Variants in MBNL1 observed in about 807,000 individuals in gnomAD.
The protein encoded by MBNL1 is muscleblind like splicing regulator 1.
Under a neutral mutation model 42.2 loss-of-function variants are expected in MBNL1, and 8 were observed. The observed-to-expected ratio is 0.19, with a 90% confidence interval of 0.11 to 0.34. The LOEUF is 0.34. Among genes scored for constraint, MBNL1 ranks in the 10% least tolerant of loss-of-function variants. The pLI, the probability that MBNL1 is intolerant of heterozygous loss-of-function variation, is 1.00. For synonymous variants in MBNL1, 169 were observed against 173.9 expected, an observed-to-expected ratio of 0.97 and a Z score of 0.22; for missense variants, 309 against 495.3, an observed-to-expected ratio of 0.62 and a Z score of 3.57.
At chr3:152,248,605 A>T (rs968054100) in intron 2 of MBNL1, among the ~76,000 whole-genome samples, 10 of 151,374 alleles carry the variant, frequency 6.6e-5, no homozygotes, top group African/African-American at 1.9e-4. Context: ...TTTTTTTTTC[A>T]AATAAAATTT....
chr3:152,368,708 T>A (rs1227195012), intron 2 of MBNL1, among the ~76,000 whole-genome samples: 1 of 152,200 alleles, frequency 6.6e-6, no homozygotes, highest in Non-Finnish European at 1.5e-5. Flanking sequence ...AGTTTGTAGT[T>A]CTCCTTGAAG....
intron 4 of MBNL1, among the ~76,000 whole-genome samples, chr3:152,441,918 G>C (rs139566942): frequency 4.6e-5 from 7 of 152,198 alleles, no homozygotes; most frequent in Non-Finnish European, 7.4e-5. Flanking sequence ...TCAGCCTCCT[G>C]AGTAGCTAGG....
chr3:152,319,590 A>G (rs1212664480), intron 2 of MBNL1, among the ~76,000 whole-genome samples: 2 of 136,618 alleles, frequency 1.5e-5, no homozygotes, highest in African/African-American at 5.5e-5. Context: ...GGCCTTGGTT[A>G]CGGTGGCATT....
intron 2 of MBNL1, among the ~76,000 whole-genome samples, chr3:152,326,565 C>T (rs1297095079): frequency 1.3e-5 from 2 of 151,752 alleles, no homozygotes; most frequent in African/African-American, 4.8e-5. Context: ...ATTTCTGCTG[C>T]GTTTATTATC....
At chr3:152,343,226 CCT>C (rs1358574833) in intron 2 of MBNL1, among the ~76,000 whole-genome samples, 3 of 152,100 alleles carry the variant, frequency 2.0e-5, no homozygotes, top group Non-Finnish European at 4.4e-5. Context: ...GGAAATAACC[CCT>C]GTTAAGCAGA....
intron 3 of MBNL1, among the ~76,000 whole-genome samples, chr3:152,422,520 T>A (rs558533183): frequency 2.4e-4 from 37 of 152,260 alleles, no homozygotes; most frequent in African/African-American, 8.7e-4. Flanking sequence ...AACACCCCAC[T>A]GTCAATATTA....
intron 3 of MBNL1, among the ~76,000 whole-genome samples, chr3:152,421,078 G>A (rs1170891811): frequency 1.3e-5 from 2 of 152,182 alleles, no homozygotes; most frequent in Non-Finnish European, 2.9e-5. Context: ...AAAAAAGAAT[G>A]CAAAGGAATG....
chr3:152,252,792 G>C (rs2034846048), intron 2 of MBNL1, among the ~76,000 whole-genome samples: 1 of 152,036 alleles, frequency 6.6e-6, no homozygotes, highest in South Asian at 2.1e-4. Flanking sequence ...ATAAAGACAA[G>C]AGTAATCATA....
At chr3:152,276,260 A>C (rs2045124548) in intron 1 of MBNL1, among the ~76,000 whole-genome samples, 1 of 152,182 alleles carries the variant, frequency 6.6e-6, no homozygotes, top group African/African-American at 2.4e-5. Flanking sequence ...AACATCTTTG[A>C]ATACTTTCTG....
Position 152,268,939 on chromosome 3 carries a change from C to T in MBNL1, c.-943C>T, listed in dbSNP as rs984560816. ...ACAGCGACATGCAACAGTCTTTTCA[C>T]TGCAGCTGAATGAGTTGTGGCGCCC... On this transcript the variant is annotated 5_prime_UTR_variant, in exon 1 of 10. Transcript: ENST00000324210. 3 of 456,142 alleles carry T rather than the reference C, an allele frequency of 6.6e-6. No individual in the cohort carries two copies. Among genetic ancestry groups the T allele is most frequent in the Middle Eastern group, 3.2e-4 (1 of 3,096 alleles). 28.3% of individuals were successfully genotyped at this position (456,142 alleles called of 1,614,324 possible). A position where few individuals can be genotyped will look rare whatever the true frequency, so the allele number is the denominator to read the frequency against.
In MBNL1 at chr3:152,446,405, ACTCT is replaced by A. The variant is rs374545792; in HGVS notation, c.807+870_807+873del. ...ACTTGAGCAAAAATACAGAAGGCAG[ACTCT>A]CTCCTCCTCTCTTCCTTTCACTCTT... is the stretch of plus-strand genomic sequence containing the variant. On this transcript the variant is annotated intron_variant, in intron 5 of 9. Coordinates refer to ENST00000324210, the MANE Select transcript of MBNL1 (RefSeq NM_021038.5). Among the ~76,000 whole-genome samples, 753 of 151,074 alleles carry A rather than the reference ACTCT, an allele frequency of 5.0e-3. 4 individuals are homozygous for A. Among genetic ancestry groups the A allele is most frequent in the Non-Finnish European group, 8.7e-3 (587 of 67,728 alleles).
At chr3:152,371,633 C>G (rs1316963239) in intron 2 of MBNL1, among the ~76,000 whole-genome samples, 1 of 152,192 alleles carries the variant, frequency 6.6e-6, no homozygotes, top group African/African-American at 2.4e-5. Context: ...GGCCCGCACT[C>G]TCTTCTGGCT....
At chr3:152,414,843 A>G in intron 2 of MBNL1, 98 bp from the exon 3 acceptor site, 1 of 1,197,148 alleles carries the variant, frequency 8.4e-7, no homozygotes, top group Non-Finnish European at 1.2e-6. Flanking sequence ...GTGAAAAACC[A>G]ATGATACATT....
chr3:152,262,046 G>C (rs1157782098), intron 2 of MBNL1, among the ~76,000 whole-genome samples: 5 of 152,080 alleles, frequency 3.3e-5, no homozygotes, highest in Admixed American at 3.3e-4. Context: ...CCTCACGTCT[G>C]TCCCCAACCG....
intron 2 of MBNL1, among the ~76,000 whole-genome samples, chr3:152,408,223 T>C (rs1044897787): frequency 2.0e-5 from 3 of 152,160 alleles, no homozygotes; most frequent in Admixed American, 6.5e-5. Context: ...AGTAGATACA[T>C]AATATTTACT....
intron 2 of MBNL1, among the ~76,000 whole-genome samples, chr3:152,336,073 T>A (rs946215834): frequency 1.3e-5 from 2 of 152,102 alleles, no homozygotes; most frequent in East Asian, 1.9e-4. Context: ...TCATCAAAAA[T>A]TTTTCCCCTT....
At chr3:152,405,749 TA>T (rs1471600201) in intron 2 of MBNL1, among the ~76,000 whole-genome samples, 1 of 152,160 alleles carries the variant, frequency 6.6e-6, no homozygotes, top group Non-Finnish European at 1.5e-5. Context: ...GGTACAATGA[TA>T]AATTGGATAA....
At chr3:152,309,180 T>A (rs1235955578) in intron 2 of MBNL1, among the ~76,000 whole-genome samples, 2 of 152,030 alleles carry the variant, frequency 1.3e-5, no homozygotes, top group Non-Finnish European at 2.9e-5. Context: ...AATTATGACA[T>A]CACAAGTGGG....
intron 2 of MBNL1, 60 bp downstream of exon 2, chr3:152,300,427 A>T: frequency 7.3e-7 from 1 of 1,376,532 alleles, no homozygotes; most frequent in Non-Finnish European, 1.0e-6. Flanking sequence ...GTATATGGAC[A>T]TACAGTTCTC....
Sources: allele counts gnomAD v4.1 joint callset (sites outside exome capture counted in the v4.1 genomes callset), GRCh38; gene constraint gnomAD v4.1.1; transcripts MANE v1.5; gene names NCBI Gene and HGNC (gene_info 2026-07-23, HGNC 2026-07-21).